The following SPIRE2 variants were observed in gnomAD, a reference collection of about 807,000 sequenced individuals.
SPIRE2 encodes the protein protein spire homolog 2.
SPIRE2 carries 76 observed loss-of-function variants against 80.7 expected under a neutral mutation model. The ratio of observed to expected loss-of-function variants is 0.94; its 90% CI spans 0.78 to 1.14. The LOEUF is 1.14. Among genes scored for constraint, SPIRE2 ranks in the 50% most tolerant of loss-of-function variants. The probability of loss-of-function intolerance (pLI) is 0.00; values close to 1 mark genes in which losing one functional copy is unlikely to be tolerated. For synonymous variants in SPIRE2, 535 were observed against 432.6 expected (o/e 1.24, Z -2.94); for missense variants, 1,196 against 1,015.3 (o/e 1.18, Z -2.42).
In SPIRE2 at chr16:89,859,245, T is replaced by G. The variant is rs1346523330; in HGVS notation, c.1353T>G (p.Ser451Arg). The change falls in exon 9 of 15, where the codon AGT becomes AGG. Residue 451 changes from serine (S) to arginine (R), a missense_variant. Transcript: ENST00000378247. ...AGCATGACCTGGCCCAGCTCCGAAGTGAGGTGGCCTCTGGCCTGCAGTCGG... is the reference window on the plus strand; with the variant it reads ...AGCATGACCTGGCCCAGCTCCGAAGGGAGGTGGCCTCTGGCCTGCAGTCGG... The part of the protein sequence containing the change: ...FSEHDLAQLR[S>R]EVASGLQSAT... 9 of 1,608,586 alleles carry G rather than the reference T, an allele frequency of 5.6e-6. No homozygotes were observed. In the African/African-American group the frequency reaches 1.1e-4, roughly 19 times the overall value.
intron 1 of SPIRE2, among the ~76,000 whole-genome samples, chr16:89,843,721 A>T (rs1346130305): frequency 2.7e-5 from 1 of 37,708 alleles, no homozygotes; most frequent in East Asian, 1.6e-3. Context: ...TTTTTTTGAG[A>T]CAGAGTCTCG....
chr16:89,832,990 T>A (rs1478122182), intron 1 of SPIRE2, among the ~76,000 whole-genome samples: 2 of 20,478 alleles, frequency 9.8e-5, no homozygotes, highest in East Asian at 0.14. Flanking sequence ...CCCAGCTGAT[T>A]TCTTTTTTTT....
chr16:89,845,355 C>T lies in SPIRE2; in HGVS notation c.278C>T (p.Ser93Leu), dbSNP rs769855187. 13 of 1,613,984 alleles carry T rather than the reference C, an allele frequency of 8.1e-6. No homozygotes were observed. Among genetic ancestry groups the T allele is most frequent in the African/African-American group, 5.3e-5 (4 of 74,928 alleles). The change falls in exon 2 of 15, where the codon TCG becomes TTG. Residue 93 changes from serine to leucine, a missense_variant. Physicochemically the swap from Ser to Leu is moderately radical, Grantham distance 145. Transcript: ENST00000378247. ...ACCATGGTCGTGCCACTAGCCAGCT[C>T]GGAAGCCCAGGTACTTTTTAAAAAA... is the stretch of plus-strand genomic sequence containing the variant. The part of the protein sequence containing the change: ...PATMVVPLAS[S>L]EAQTVQSLGF...
intron 3 of SPIRE2, among the ~76,000 whole-genome samples, chr16:89,852,908 G>A (rs1333738110): frequency 1.6e-4 from 3 of 18,768 alleles, no homozygotes; most frequent in Non-Finnish European, 1.7e-4. Context: ...CCCATGGCCC[G>A]TCTTCCGTCC....
chr16:89,860,180 G>A (rs1008583829), intron 9 of SPIRE2, among the ~76,000 whole-genome samples: 2 of 152,262 alleles, frequency 1.3e-5, no homozygotes, highest in East Asian at 1.9e-4. Flanking sequence ...GCTCAGACAC[G>A]GGGGCCCTTC....
intron 1 of SPIRE2, 91 bp from the exon 2 acceptor site, chr16:89,845,231 G>A (rs2041546628): frequency 3.5e-6 from 4 of 1,128,718 alleles, no homozygotes; most frequent in African/African-American, 1.5e-5. Context: ...GGGCTGTGGT[G>A]TGTGTCCCCG....
In SPIRE2 at chr16:89,856,242, T is replaced by TG. The variant is rs1156943047; in HGVS notation, c.1102+7dup. 1 of 1,563,762 alleles carries TG rather than the reference T, an allele frequency of 6.4e-7. No individual in the cohort carries two copies. Among genetic ancestry groups the TG allele is most frequent in the Admixed American group, 1.9e-5 (1 of 51,818 alleles). On this transcript the variant is annotated splice_region_variant and intron_variant, in intron 7 of 14. Coordinates refer to ENST00000378247, the MANE Select transcript of SPIRE2 (RefSeq NM_032451.2). The stretch of plus-strand genomic sequence containing the variant: ...CGAGGGCTGGGCTGCCCGCGGTGAG[T>TG]GAGGGGATGGCAGGAGAAGAGAGCC...
chr16:89,840,457 G>A (rs549488218), intron 1 of SPIRE2, among the ~76,000 whole-genome samples: 1 of 150,536 alleles, frequency 6.6e-6, no homozygotes, highest in Non-Finnish European at 1.5e-5. Context: ...CACCGTGTTA[G>A]CCAGGATGGT....
chr16:89,840,929 G>A (rs1012144014), intron 1 of SPIRE2, among the ~76,000 whole-genome samples: 8 of 151,878 alleles, frequency 5.3e-5, no homozygotes, highest in East Asian at 1.9e-4. Context: ...GAGCCACCGC[G>A]CCCAGCTGAA....
chr16:89,833,719 G>A (rs771850350), intron 1 of SPIRE2, among the ~76,000 whole-genome samples: 21 of 152,222 alleles, frequency 1.4e-4, no homozygotes, highest in Non-Finnish European at 2.8e-4. Context: ...CAAGGGATCT[G>A]CACCTGTGCA....
At chr16:89,859,774 G>A (rs1843489250) in intron 9 of SPIRE2, among the ~76,000 whole-genome samples, 1 of 152,102 alleles carries the variant, frequency 6.6e-6, no homozygotes, top group Admixed American at 6.5e-5. Context: ...TCGCGCTGCT[G>A]AGCACAGAAC....
rs141713911 is a variant in SPIRE2, at chr16:89,854,490, C to T, written c.730C>T (p.Arg244Ter). Reference sequence around the variant, plus strand: ...ATTCTCTTCCCCTGGGGCCCAGGCCCGACTGTGGGTTCAGCTCATGCGGGA... The same window carrying T: ...ATTCTCTTCCCCTGGGGCCCAGGCCTGACTGTGGGTTCAGCTCATGCGGGA... The part of the protein sequence containing the change: ...LDSLGHTDWA[R>*]LWVQLMRELR... Residue 244 changes from arginine to a stop codon, truncating the protein, a stop_gained, in exon 5 of 15, where the codon CGA becomes TGA. Transcript: ENST00000378247. LOFTEE classifies it high-confidence loss of function. The T allele has an allele frequency of 6.2e-6, 10 of 1,612,008 alleles. No individual in the cohort carries two copies. The highest frequency in any genetic ancestry group is 8.5e-6 in the Non-Finnish European group (10 of 1,179,532).
At chr16:89,858,291 G>C in intron 7 of SPIRE2, 47 bp from the exon 8 acceptor site, 1 of 1,506,426 alleles carries the variant, frequency 6.6e-7, no homozygotes. Flanking sequence ...CCTGCCTGCT[G>C]TCTCCCCGTT....
At chr16:89,833,081 C>T (rs1288694113) in intron 1 of SPIRE2, among the ~76,000 whole-genome samples, 2 of 151,764 alleles carry the variant, frequency 1.3e-5, no homozygotes, top group African/African-American at 4.8e-5. Flanking sequence ...ACCTCTGCCT[C>T]CCCAGGTTCA....
intron 1 of SPIRE2, 95 bp from the exon 2 acceptor site, chr16:89,845,227 T>G: frequency 9.2e-7 from 1 of 1,086,568 alleles, no homozygotes; most frequent in Non-Finnish European, 1.4e-6. Context: ...AGTGGGGCTG[T>G]GGTGTGTGTC....
chr16:89,848,678 T>C (rs374330179), intron 2 of SPIRE2, among the ~76,000 whole-genome samples: 41 of 111,700 alleles, frequency 3.7e-4, no homozygotes, highest in Admixed American at 7.6e-4. Context: ...GCAGGACAGA[T>C]GAGGCAGGTT....
At chr16:89,837,958 G>C (rs940963375) in intron 1 of SPIRE2, among the ~76,000 whole-genome samples, 1 of 152,114 alleles carries the variant, frequency 6.6e-6, no homozygotes, top group Non-Finnish European at 1.5e-5. Flanking sequence ...GGTTTCGTGC[G>C]GGCGTTTCTC....
chr16:89,863,618 T>C lies in SPIRE2; in HGVS notation c.1710+8T>C. 6.2e-7 allele frequency: 1 copy of C among 1,614,038 alleles called. No individual in the cohort carries two copies. Among genetic ancestry groups the C allele is most frequent in the Non-Finnish European group, 8.5e-7 (1 of 1,180,030 alleles). On this transcript the variant is annotated splice_region_variant and intron_variant, in intron 11 of 14. Coordinates refer to ENST00000378247, the MANE Select transcript of SPIRE2 (RefSeq NM_032451.2). This position sits in a 1 kb window ranked among gnomAD's most constrained non-coding sequence, Gnocchi z 4.3. The stretch of plus-strand genomic sequence containing the variant: ...AGTCTGAAGAAGGGGAAGGTGAGGC[T>C]GCCTAGACGTGGGGCTACGCTCTTG...
At chr16:89,846,585 C>G (rs2041562700) in intron 2 of SPIRE2, 1 of 152,006 alleles carries the variant, frequency 6.6e-6, no homozygotes, top group African/African-American at 2.4e-5. Flanking sequence ...GTGATCTTGG[C>G]TCACTGCAAC....
Sources: allele counts gnomAD v4.1 joint callset (sites outside exome capture counted in the v4.1 genomes callset), GRCh38; gene constraint gnomAD v4.1.1; non-coding constraint Gnocchi (gnomAD v3.1); transcripts MANE v1.5; gene names NCBI Gene and HGNC (gene_info 2026-07-23, HGNC 2026-07-21).